OSBPL9: variants seen among roughly 807,000 people sequenced by gnomAD.
The protein encoded by OSBPL9 is oxysterol-binding protein-related protein 9.
Under a neutral mutation model 106.6 loss-of-function variants are expected in OSBPL9, and 40 were observed. The ratio of observed to expected loss-of-function variants is 0.38; its 90% CI spans 0.29 to 0.49. The LOEUF (loss-of-function observed/expected upper bound fraction) is 0.49. Among genes scored for constraint, OSBPL9 ranks in the 20% least tolerant of loss-of-function variants. OSBPL9 has a pLI of 0.97. For synonymous variants in OSBPL9, 269 were observed against 295.4 expected (o/e 0.91, Z 0.92); for missense variants, 609 against 887.2 (o/e 0.69, Z 3.98).
At chr1:51,727,728 A>G (rs1663380010) in intron 4 of OSBPL9, among the ~76,000 whole-genome samples, 1 of 152,172 alleles carries the variant, frequency 6.6e-6, no homozygotes, top group African/African-American at 2.4e-5. Context: ...TAACTCAGGT[A>G]AGGTGGTGTG....
intron 1 of OSBPL9, among the ~76,000 whole-genome samples, chr1:51,580,785 T>C (rs966589479): frequency 6.0e-5 from 9 of 149,070 alleles, no homozygotes; most frequent in African/African-American, 2.0e-4. Flanking sequence ...TTGTAGAAAA[T>C]CTGGAAAGCC....
At chr1:51,763,609 G>A (rs779339192) in intron 11 of OSBPL9, among the ~76,000 whole-genome samples, 6 of 151,912 alleles carry the variant, frequency 3.9e-5, no homozygotes, top group Admixed American at 1.3e-4. Flanking sequence ...TAAAAAATTC[G>A]AATTAGTAAA....
chr1:51,608,123 G>C (rs749607680), intron 2 of OSBPL9, among the ~76,000 whole-genome samples: 33 of 152,188 alleles, frequency 2.2e-4, no homozygotes, highest in Admixed American at 5.9e-4. Flanking sequence ...CTAGAGGAAG[G>C]TCATATACAA....
At chr1:51,551,967 A>ATGCGTGTG in the OSBPL9 span, among the ~76,000 whole-genome samples, 1 of 145,104 alleles carries the variant, frequency 6.9e-6, no homozygotes. Context: ...GTGAATAGAA[A>ATGCGTGTG]TGTGTGTGTG....
chr1:51,706,802 A>G (rs1035508616), intron 3 of OSBPL9, among the ~76,000 whole-genome samples: 4 of 151,986 alleles, frequency 2.6e-5, no homozygotes, highest in Non-Finnish European at 2.9e-5. Flanking sequence ...CATGTTTTCT[A>G]ATTTCTAGTG....
the OSBPL9 span, among the ~76,000 whole-genome samples, chr1:51,551,743 C>T: frequency 4.0e-5 from 6 of 151,018 alleles, no homozygotes; most frequent in South Asian, 6.2e-4. Flanking sequence ...CATGCCACTA[C>T]ACCTGGCTAA....
Position 51,750,166 on chromosome 1 carries a change from CA to C in OSBPL9, c.515del (p.His172ProfsTer22). On this transcript the variant is annotated frameshift_variant, in exon 8 of 24. Transcript: ENST00000428468. LOFTEE classifies it high-confidence loss of function. ...ATAGAGCATGGTAGAATCAATTAAACACTGCATTGTGTTGCTGCAGATTGCC... is the reference window on the plus strand; with the variant it reads ...ATAGAGCATGGTAGAATCAATTAAACCTGCATTGTGTTGCTGCAGATTGCC... ...TTNSMVESIK[H>X]CIVLLQIAKD... 1 of 1,607,290 alleles carries C rather than the reference CA, an allele frequency of 6.2e-7. No individual in the cohort carries two copies. The highest frequency in any genetic ancestry group is 8.5e-7 in the Non-Finnish European group (1 of 1,177,058).
In OSBPL9 at chr1:51,761,964, T is replaced by G. The variant is rs1273281077; in HGVS notation, c.771T>G (p.Asn257Lys). The G allele has an allele frequency of 6.3e-7, 1 of 1,595,780 alleles. No homozygotes were observed. Among genetic ancestry groups the G allele is most frequent in the Non-Finnish European group, 8.6e-7 (1 of 1,163,372 alleles). ...GACATCATCAGACTCCTACACCAAA[T>G]AGTACAGGTACAGATTTGCATAATT... ...TLGHHQTPTP[N>K]STGSGHSPPS... The change falls in exon 11 of 24, where the codon AAT becomes AAG. Residue 257 changes from asparagine (N) to lysine (K), a missense_variant. Coordinates refer to ENST00000428468, the MANE Select transcript of OSBPL9 (RefSeq NM_024586.6).
intron 4 of OSBPL9, among the ~76,000 whole-genome samples, chr1:51,736,656 A>G (rs941083521): frequency 3.9e-5 from 6 of 152,064 alleles, no homozygotes; most frequent in Admixed American, 2.6e-4. Flanking sequence ...TTTAATGTTA[A>G]TTTTTCCTAG....
chr1:51,611,245 G>GA (rs60959658), intron 2 of OSBPL9, among the ~76,000 whole-genome samples: 5,883 of 136,598 alleles, frequency 0.043, 232 homozygotes, highest in East Asian at 0.13. Context: ...TGGAAAGGGT[G>GA]AAAAAAAAAA....
chr1:51,620,533 C>T (rs1437287718), intron 1 of OSBPL9, among the ~76,000 whole-genome samples: 3 of 151,998 alleles, frequency 2.0e-5, no homozygotes, highest in Non-Finnish European at 4.4e-5. Context: ...CTTGGAGAAG[C>T]AGGTTTGTTT....
chr1:51,558,660 C>A, the OSBPL9 span, among the ~76,000 whole-genome samples: 1 of 152,264 alleles, frequency 6.6e-6, no homozygotes, highest in African/African-American at 2.4e-5. Flanking sequence ...GCCTGCCAAG[C>A]TATCCTTAAA....
intron 4 of OSBPL9, among the ~76,000 whole-genome samples, chr1:51,714,566 T>G (rs1000633869): frequency 2.0e-5 from 3 of 152,236 alleles, no homozygotes; most frequent in Non-Finnish European, 2.9e-5. Context: ...TTAGATGTGG[T>G]TTGAATTAGG....
chr1:51,703,300 T>C (rs943964106), intron 3 of OSBPL9, among the ~76,000 whole-genome samples: 1 of 152,260 alleles, frequency 6.6e-6, no homozygotes, highest in Admixed American at 6.5e-5. Context: ...CATTTCTTTG[T>C]ATCCTCTTTT....
intron 4 of OSBPL9, among the ~76,000 whole-genome samples, chr1:51,714,570 A>G (rs1660687730): frequency 6.6e-6 from 1 of 152,138 alleles, no homozygotes; most frequent in Non-Finnish European, 1.5e-5. Context: ...ATGTGGTTTG[A>G]ATTAGGTAAT....
In OSBPL9 at chr1:51,782,654, G is replaced by C; in HGVS notation, c.1513+11G>C. 1 of 1,612,194 alleles carries C rather than the reference G, an allele frequency of 6.2e-7. No individual in the cohort carries two copies. The highest frequency in any genetic ancestry group is 8.5e-7 in the Non-Finnish European group (1 of 1,178,324). On this transcript the variant is annotated intron_variant, in intron 17 of 23. Coordinates refer to ENST00000428468, the MANE Select transcript of OSBPL9 (RefSeq NM_024586.6). ...CCCATCATCCACCCAGTAAGTTACA[G>C]AGCTCCTCTGCAACCTGTGCTCTCA...
intron 3 of OSBPL9, among the ~76,000 whole-genome samples, chr1:51,678,884 C>T (rs1440565869): frequency 6.6e-6 from 1 of 152,184 alleles, no homozygotes; most frequent in African/African-American, 2.4e-5. Context: ...TAAAGATCTT[C>T]TGCTATCTCA....
chr1:51,540,033 C>T, the OSBPL9 span, among the ~76,000 whole-genome samples: 1,857 of 152,344 alleles, frequency 0.012, 42 homozygotes, highest in African/African-American at 0.043. Context: ...TTCCTGCCAG[C>T]AGGCCTTAAA....
At chr1:51,749,491 A>AT (rs2149019078) in intron 7 of OSBPL9, 1 of 432,020 alleles carries the variant, frequency 2.3e-6, no homozygotes, top group East Asian at 7.1e-5. Context: ...TTTTATTTTA[A>AT]TTTTTTATAG....
Sources: allele counts gnomAD v4.1 joint callset (sites outside exome capture counted in the v4.1 genomes callset), GRCh38; gene constraint gnomAD v4.1.1; transcripts MANE v1.5; gene names NCBI Gene and HGNC (gene_info 2026-07-23, HGNC 2026-07-21).